The following LMBR1L variants were observed in gnomAD, a reference collection of about 807,000 sequenced individuals.
The protein encoded by LMBR1L is protein LMBR1L.
In LMBR1L, 47 loss-of-function variants were observed where a neutral mutation model predicts 67.3. The ratio of observed to expected loss-of-function variants is 0.70; its 90% confidence interval spans 0.55 to 0.89. The LOEUF (loss-of-function observed/expected upper bound fraction) is 0.89. Ranked by LOEUF, LMBR1L falls within the 40% of genes least tolerant of loss-of-function variation. The probability of loss-of-function intolerance (pLI) is 0.00; values close to 1 mark genes in which losing one functional copy is unlikely to be tolerated. For missense variants in LMBR1L, 533 were observed against 599.2 expected, an observed-to-expected ratio of 0.89 and a Z score of 1.15; for synonymous variants, 247 against 250.3, an observed-to-expected ratio of 0.99 and a Z score of 0.13.
chr12:49,104,448 C>A lies in LMBR1L; in HGVS notation c.435G>T (p.Lys145Asn). The A allele has an allele frequency of 2.5e-6, 4 of 1,602,864 alleles. No homozygotes were observed. The highest frequency in any genetic ancestry group is 2.2e-5 in the East Asian group (1 of 44,828). ...TESEGFAGSR[K>N]GVLGRVYETV... ...GCCTGGATACATATCCCCTACTTAC[C>A]TTTCTGGAGCCAGCAAAGCCCTCAG... The change falls in exon 5 of 17, where the codon AAG becomes AAT. Residue 145 changes from lysine to asparagine, a missense_variant and splice_region_variant. Physicochemically the swap from Lys to Asn is moderately conservative, Grantham distance 94. Coordinates refer to ENST00000267102, the MANE Select transcript of LMBR1L (RefSeq NM_018113.4).
Position 49,103,284 on chromosome 12 carries a change from G to T in LMBR1L, c.563-125C>A, listed in dbSNP as rs1940458351. 3 of 789,510 alleles carry T rather than the reference G, an allele frequency of 3.8e-6. No homozygotes were observed. The South Asian group carries it at 5.1e-5, about 14-fold the overall frequency. The allele number at this position is 789,510 out of a possible 1,614,324, so 48.9% of individuals were successfully genotyped here. Reference sequence around the variant, plus strand: ...GGGTTAGGCAATTAATACAAATGAAGAAAGCTGGCCAGCATTAGCAGAATA... The same window carrying T: ...GGGTTAGGCAATTAATACAAATGAATAAAGCTGGCCAGCATTAGCAGAATA... On this transcript the variant is annotated intron_variant, in intron 6 of 16. Coordinates refer to ENST00000267102, the MANE Select transcript of LMBR1L (RefSeq NM_018113.4).
At chr12:49,100,732 CT>C (rs112884400) in intron 13 of LMBR1L, 86 bp from the exon 14 acceptor site, 128,331 of 730,688 alleles carry the variant, frequency 0.18, no homozygotes, top group South Asian at 0.25. Flanking sequence ...CAGCCCACTT[CT>C]TTTTTTTTTT....
At position 49,102,542 on chromosome 12, in the gene LMBR1L, T is replaced by C. The variant is rs888015734; in HGVS notation, c.697-2A>G. ...CTGCTCCTCCAGGTCTTCCAGCAGC[T>C]AGGGGCAGGGGAAAGGAAGAGACTA... is the stretch of plus-strand genomic sequence containing the variant. On this transcript the variant is annotated splice_acceptor_variant, in intron 8 of 16. Transcript: ENST00000267102. LOFTEE classifies it high-confidence loss of function. 1 of 1,614,000 alleles carries C rather than the reference T, an allele frequency of 6.2e-7. No homozygotes were observed. Among genetic ancestry groups the C allele is most frequent in the Non-Finnish European group, 8.5e-7 (1 of 1,179,990 alleles).
chr12:49,101,915 A>C, intron 11 of LMBR1L: 1 of 596,800 alleles, frequency 1.7e-6, no homozygotes, highest in East Asian at 2.8e-5. Context: ...TGGGCAAGTC[A>C]CTCAACTCTG....
chr12:49,108,561 CAAAAAAAAAAA>C (rs35533408), intron 1 of LMBR1L, among the ~76,000 whole-genome samples: 55 of 47,576 alleles, frequency 1.2e-3, no homozygotes, highest in Non-Finnish European at 1.2e-3. Context: ...GACTGAGTCT[CAAAAAAAAAAA>C]AAAAAAAAAA....
At chr12:49,099,581 CTTT>C (rs869070798) in intron 15 of LMBR1L, among the ~76,000 whole-genome samples, 5 of 139,916 alleles carry the variant, frequency 3.6e-5, no homozygotes, top group South Asian at 2.3e-4. Flanking sequence ...CACTCTTGAA[CTTT>C]TTTTTTTTTT....
Position 49,102,531 on chromosome 12 carries a change from C to G in LMBR1L, c.706G>C (p.Asp236His), listed in dbSNP as rs768431277. 17 of 1,614,064 alleles carry G rather than the reference C, an allele frequency of 1.1e-5. No individual in the cohort carries two copies. The highest frequency in any genetic ancestry group is 1.4e-5 in the Non-Finnish European group (17 of 1,180,008). Residue 236 changes from aspartate to histidine, a missense_variant, in exon 9 of 17, where the codon GAC (aspartate) becomes CAC (histidine). Asp to His is a moderately conservative substitution (Grantham distance 81). This residue lies in a region of LMBR1L where 64 missense variants were observed against 109.0 expected (regional missense o/e 0.59). Coordinates refer to ENST00000267102, the MANE Select transcript of LMBR1L (RefSeq NM_018113.4). ...KLLVKPRLLE[D>H]LEEQLYCSAF... ...GAGCAGTACAGCTGCTCCTCCAGGT[C>G]TTCCAGCAGCTAGGGGCAGGGGAAA...
upstream of LMBR1L, chr12:49,110,847 CGA>C (rs529831916): frequency 4.8e-5 from 21 of 439,742 alleles, no homozygotes; most frequent in African/African-American, 3.6e-4. Context: ...AGGCTCGCTA[CGA>C]GGAAGCGCCG....
Position 49,100,549 on chromosome 12 carries a change from C to G in LMBR1L, c.1173+7G>C. The G allele has an allele frequency of 6.2e-7, 1 of 1,613,978 alleles. No individual in the cohort carries two copies. Among genetic ancestry groups the G allele is most frequent in the Non-Finnish European group, 8.5e-7 (1 of 1,179,868 alleles). On this transcript the variant is annotated splice_region_variant and intron_variant, in intron 14 of 16. Coordinates refer to ENST00000267102, the MANE Select transcript of LMBR1L (RefSeq NM_018113.4). ...CCCGGGAGCTTCCCTTACTCCCTCC[C>G]AGCTACCTGCGTCATGGCAGTGTCG...
At position 49,103,820 on chromosome 12, in the gene LMBR1L, G is replaced by A. The variant is rs768073085; in HGVS notation, c.436-7C>T. 3.4e-5 allele frequency: 55 copies of A among 1,606,190 alleles called. No individual in the cohort carries two copies. The highest frequency in any genetic ancestry group is 4.7e-5 in the Non-Finnish European group (55 of 1,176,788). On this transcript the variant is annotated splice_polypyrimidine_tract_variant and splice_region_variant and intron_variant, in intron 5 of 16. Coordinates refer to ENST00000267102, the MANE Select transcript of LMBR1L (RefSeq NM_018113.4). ...AGACCCGGCCCAGGACACCCTACGG[G>A]AGGAGGCAACCAGTGAAGAAGGTTA...
At position 49,101,280 on chromosome 12, in the gene LMBR1L, A is replaced by C; in HGVS notation, c.1052T>G (p.Phe351Cys). 1 of 1,614,128 alleles carries C rather than the reference A, an allele frequency of 6.2e-7. No individual in the cohort carries two copies. The highest frequency in any genetic ancestry group is 8.5e-7 in the Non-Finnish European group (1 of 1,180,010). Reference protein sequence around the residue: ...GQVSFSKLGSFGAVIQVVLIF... With the variant: ...GQVSFSKLGSCGAVIQVVLIF... ...GAGTACAACCTGAATGACGGCACCA[A>C]AGGAGCCCAGCTTGGAGAAGGAGAC... Residue 351 changes from phenylalanine to cysteine, a missense_variant, in exon 13 of 17, where the codon TTT becomes TGT. By Grantham distance (205) the Phe-to-Cys change is radical. This residue lies in a region of LMBR1L where 223 missense variants were observed against 241.2 expected (regional missense o/e 0.92). Transcript: ENST00000267102.
chr12:49,110,331 C>T, intron 1 of LMBR1L, 153 bp downstream of exon 1: 1 of 708,464 alleles, frequency 1.4e-6, no homozygotes, highest in Non-Finnish European at 2.5e-6. Flanking sequence ...GGATCGCTAG[C>T]CGGGCACCCG....
chr12:49,102,733 C>G (rs945347749), intron 8 of LMBR1L, among the ~76,000 whole-genome samples, 154 bp downstream of exon 8: 1 of 152,194 alleles, frequency 6.6e-6, no homozygotes, highest in African/African-American at 2.4e-5. Context: ...TAGTGACCAG[C>G]TCTGCATGAT....
intron 13 of LMBR1L, 86 bp from the exon 14 acceptor site, chr12:49,100,732 CTTTT>C (rs112884400): frequency 2.3e-5 from 19 of 814,244 alleles, no homozygotes; most frequent in East Asian, 3.0e-5. Flanking sequence ...CAGCCCACTT[CTTTT>C]TTTTTTTTTG....
At chr12:49,106,074 T>C in intron 2 of LMBR1L, 117 bp from the exon 3 acceptor site, 1 of 816,278 alleles carries the variant, frequency 1.2e-6, no homozygotes. Flanking sequence ...AAGGCAGAGC[T>C]GAACAGGAGG....
chr12:49,110,672 C>T lies in LMBR1L; in HGVS notation c.-117G>A. 4.7e-6 allele frequency: 4 copies of T among 855,602 alleles called. No individual in the cohort carries two copies. The highest frequency in any genetic ancestry group is 5.8e-6 in the Non-Finnish European group (3 of 515,532). The allele number at this position is 855,602 out of a possible 1,614,324, so 53.0% of individuals were successfully genotyped here. A position where few individuals can be genotyped will look rare whatever the true frequency, so the allele number is the denominator to read the frequency against. On this transcript the variant is annotated 5_prime_UTR_variant, in exon 1 of 17. Transcript: ENST00000267102. ...CCTAGGGGCCTTTCCTCGCAGCCTG[C>T]GACAGAAACTCGGGGCAGTCTGGGG...
At chr12:49,110,094 T>C (rs1381425340) in intron 1 of LMBR1L, 2 of 476,604 alleles carry the variant, frequency 4.2e-6, no homozygotes, top group East Asian at 6.4e-5. Flanking sequence ...CTCCCCTTCA[T>C]CCAACGTCAG....
intron 13 of LMBR1L, chr12:49,100,919 G>C: frequency 9.2e-6 from 5 of 543,632 alleles, no homozygotes; most frequent in Non-Finnish European, 1.6e-5. Context: ...TGTAGAGGCC[G>C]GGTTTCACCA....
chr12:49,104,295 C>T (rs1432527818), intron 5 of LMBR1L, 153 bp downstream of exon 5: 4 of 672,648 alleles, frequency 5.9e-6, no homozygotes, highest in East Asian at 2.5e-5. Context: ...TTTGTCCCTA[C>T]AGGCCTAAGG....
Sources: allele counts gnomAD v4.1 joint callset (sites outside exome capture counted in the v4.1 genomes callset), GRCh38; gene constraint gnomAD v4.1.1; regional missense constraint gnomAD v4.1.1; transcripts MANE v1.5; gene names NCBI Gene and HGNC (gene_info 2026-07-23, HGNC 2026-07-21).